The following PDCD6IP variants were observed in gnomAD, a reference collection of about 807,000 sequenced individuals.
The protein encoded by PDCD6IP is programmed cell death 6-interacting protein.
PDCD6IP carries 43 observed loss-of-function variants against 103.7 expected under a neutral mutation model. That is an observed-to-expected ratio of 0.41 (90% CI 0.32 to 0.53). PDCD6IP has a LOEUF of 0.53. PDCD6IP is among the 20% of genes least tolerant of loss of function. PDCD6IP has a pLI of 0.16. For missense variants in PDCD6IP, 871 were observed against 1,036.7 expected, an observed-to-expected ratio of 0.84 and a Z score of 2.20; for synonymous variants, 354 against 378.7, an observed-to-expected ratio of 0.93 and a Z score of 0.76.
chr3:33,856,614 T>C (rs1390320708), intron 15 of PDCD6IP, among the ~76,000 whole-genome samples: 2 of 152,074 alleles, frequency 1.3e-5, no homozygotes, highest in Non-Finnish European at 2.9e-5. Context: ...TAAGTGAAGA[T>C]TGTTGAAAGA....
chr3:33,855,379 A>G, intron 15 of PDCD6IP, 119 bp downstream of exon 15: 4 of 624,300 alleles, frequency 6.4e-6, no homozygotes, highest in Non-Finnish European at 1.2e-5. Context: ...TCATGGAAGA[A>G]GGAACTAGAT....
At chr3:33,825,576 C>T (rs1474451633) in intron 5 of PDCD6IP, among the ~76,000 whole-genome samples, 1 of 152,060 alleles carries the variant, frequency 6.6e-6, no homozygotes, top group African/African-American at 2.4e-5. Flanking sequence ...TTTAAACACT[C>T]CATTCTGGAA....
rs557761503 is a variant in PDCD6IP at position 33,867,169 on chromosome 3, T to C, written c.*644T>C. 2 of 152,316 alleles carry C rather than the reference T, an allele frequency of 1.3e-5. No individual in the cohort carries two copies. Among genetic ancestry groups the C allele is most frequent in the African/African-American group, 4.8e-5 (2 of 41,582 alleles). The allele number at this position is 152,316 out of a possible 1,614,324, so 9.4% of individuals were successfully genotyped here. On this transcript the variant is annotated 3_prime_UTR_variant, in exon 18 of 18. Transcript: ENST00000307296. ...GTTTTACAGGGAAATCAAAAGAATATTATCATACTTTATCTTTCGTATGCT... is the reference window on the plus strand; with the variant it reads ...GTTTTACAGGGAAATCAAAAGAATACTATCATACTTTATCTTTCGTATGCT...
At chr3:33,855,134 G>C (rs768250710) in intron 14 of PDCD6IP, 32 bp from the exon 15 acceptor site, 56 of 1,381,288 alleles carry the variant, frequency 4.1e-5, no homozygotes, top group Non-Finnish European at 5.7e-5. Context: ...AATTGTTCTT[G>C]TTCCTTACTT....
intron 15 of PDCD6IP, among the ~76,000 whole-genome samples, chr3:33,860,265 C>T (rs72861510): frequency 0.021 from 3,139 of 152,144 alleles, 95 homozygotes; most frequent in African/African-American, 0.071. Flanking sequence ...ATTTTCAGCT[C>T]AGTGATTGAA....
At chr3:33,835,348 T>C (rs907213589) in intron 7 of PDCD6IP, 3 of 454,986 alleles carry the variant, frequency 6.6e-6, no homozygotes, top group Non-Finnish European at 8.8e-6. Context: ...GTTGTGTGGT[T>C]TCCAGACCCT....
rs1411193408 is a variant in PDCD6IP, at chr3:33,820,110, C to T, written c.335-1845C>T. Among the ~76,000 whole-genome samples the T allele has an allele frequency of 2.6e-5, 4 of 152,036 alleles. No homozygotes were observed. The East Asian group carries it at 7.7e-4, about 29-fold the overall frequency. The stretch of plus-strand genomic sequence containing the variant: ...ACCAGCCTAGGCAACATAGTGAGTC[C>T]CTGTCTCTACAAAAGATACAAAAAT... On this transcript the variant is annotated intron_variant, in intron 3 of 17. Transcript: ENST00000307296.
At chr3:33,847,073 C>T (rs1368754645) in intron 12 of PDCD6IP, among the ~76,000 whole-genome samples, 1 of 152,176 alleles carries the variant, frequency 6.6e-6, no homozygotes, top group Non-Finnish European at 1.5e-5. Context: ...TTGTGAAGAA[C>T]AACGAACCTG....
chr3:33,800,148 A>G (rs914257039), intron 1 of PDCD6IP, among the ~76,000 whole-genome samples: 1 of 148,862 alleles, frequency 6.7e-6, no homozygotes, highest in African/African-American at 2.5e-5. Flanking sequence ...AAAAAAAAGT[A>G]AGACTTATTC....
In PDCD6IP at chr3:33,812,084, G is replaced by A. The variant is rs1331355845; in HGVS notation, c.222G>A (p.Gln74=). ...CTCTATTTTTTAGATATTATGATCA[G>A]ATTTGTTCTATTGAACCCAAATTCC... The part of the protein sequence containing the change: ...ALETLLRYYD[Q]ICSIEPKFPF... The change falls in exon 2 of 18, where the codon CAG becomes CAA. Residue 74 remains glutamine (Q), a synonymous_variant. Coordinates refer to ENST00000307296, the MANE Select transcript of PDCD6IP (RefSeq NM_013374.6). 6.3e-7 allele frequency: 1 copy of A among 1,596,264 alleles called. No homozygotes were observed. The highest frequency in any genetic ancestry group is 2.3e-5 in the East Asian group (1 of 44,078).
intron 13 of PDCD6IP, among the ~76,000 whole-genome samples, chr3:33,853,464 C>T (rs1324012253): frequency 6.6e-6 from 1 of 152,024 alleles, no homozygotes; most frequent in African/African-American, 2.4e-5. Flanking sequence ...AGTTAGTTTT[C>T]GTGTTTACAG....
At position 33,845,512 on chromosome 3, in the gene PDCD6IP, T is replaced by G. The variant is rs1452392664; in HGVS notation, c.1565T>G (p.Leu522Arg). The change falls in exon 12 of 18, where the codon CTT becomes CGT. Residue 522 changes from leucine to arginine, a missense_variant. Leu to Arg is a moderately radical substitution (Grantham distance 102, BLOSUM62 -2). Coordinates refer to ENST00000307296, the MANE Select transcript of PDCD6IP (RefSeq NM_013374.6). ...CAGTCTCATCGTGACACCATCGTGC[T>G]TTTGTGTAAGCCAGAGCCTGAGCTG... ...CYQSHRDTIV[L>R]LCKPEPELNA... 6.2e-7 allele frequency: 1 copy of G among 1,614,028 alleles called. No individual in the cohort carries two copies. The highest frequency in any genetic ancestry group is 8.5e-7 in the Non-Finnish European group (1 of 1,179,900).
chr3:33,852,012 A>G (rs936565871), intron 12 of PDCD6IP, among the ~76,000 whole-genome samples: 2 of 152,146 alleles, frequency 1.3e-5, no homozygotes, highest in East Asian at 1.9e-4. Flanking sequence ...CTTCACAGCC[A>G]TGATTGGGAG....
chr3:33,861,306 G>C (rs2125451842), intron 15 of PDCD6IP, among the ~76,000 whole-genome samples: 1 of 152,162 alleles, frequency 6.6e-6, no homozygotes, highest in South Asian at 2.1e-4. Flanking sequence ...ACCAAGCCCA[G>C]CTAATTTTTG....
At chr3:33,844,907 T>C (rs1186881520) in intron 11 of PDCD6IP, among the ~76,000 whole-genome samples, 1 of 152,194 alleles carries the variant, frequency 6.6e-6, no homozygotes, top group African/African-American at 2.4e-5. Flanking sequence ...GAGGCCAAAT[T>C]TATGCTTCTT....
Position 33,829,960 on chromosome 3 carries a change from A to G in PDCD6IP, c.834+991A>G, listed in dbSNP as rs541146435. On this transcript the variant is annotated intron_variant, in intron 7 of 17. Coordinates refer to ENST00000307296, the MANE Select transcript of PDCD6IP (RefSeq NM_013374.6). ...GAGCAAGAGGGAGCCAAACTGCTCA[A>G]TGAAGCCCCTCTCTTGGTAACTAAC... Among the ~76,000 whole-genome samples, 6 of 152,280 alleles carry G rather than the reference A, an allele frequency of 3.9e-5. No individual in the cohort carries two copies. In the South Asian group the frequency reaches 8.3e-4, roughly 21 times the overall value.
At chr3:33,800,377 C>T (rs1251170110) in intron 1 of PDCD6IP, among the ~76,000 whole-genome samples, 2 of 152,086 alleles carry the variant, frequency 1.3e-5, no homozygotes, top group Non-Finnish European at 2.9e-5. Context: ...GGTTTGTTTG[C>T]ACCCATTTAT....
intron 15 of PDCD6IP, among the ~76,000 whole-genome samples, chr3:33,858,053 A>G (rs1290461464): frequency 2.0e-5 from 3 of 152,180 alleles, no homozygotes; most frequent in Non-Finnish European, 4.4e-5. Flanking sequence ...GAGAACCCCA[A>G]AACTCTGCAA....
chr3:33,834,818 G>A (rs9815780), intron 7 of PDCD6IP, among the ~76,000 whole-genome samples: 44,369 of 151,938 alleles, frequency 0.29, 6,710 homozygotes, highest in East Asian at 0.41. Context: ...AGAATATAAT[G>A]TGTTCTCTAT....
Sources: gnomAD v4.1 joint callset for allele counts (sites outside exome capture counted in the v4.1 genomes callset) on GRCh38, gnomAD v4.1.1 for gene constraint, MANE v1.5 for transcripts, NCBI Gene and HGNC (gene_info 2026-07-23, HGNC 2026-07-21) for gene names.